The following SRBD1 variants were observed in gnomAD, a reference collection of about 807,000 sequenced individuals.
SRBD1 encodes S1 RNA-binding domain-containing protein 1.
SRBD1 carries 88 observed loss-of-function variants against 115.3 expected under a neutral mutation model. The ratio of observed to expected loss-of-function variants is 0.76; its 90% CI spans 0.64 to 0.91. The LOEUF (loss-of-function observed/expected upper bound fraction) is 0.91, where lower values mean the gene tolerates loss of function less well. SRBD1 is among the 40% of genes least tolerant of loss of function. The pLI is 0.00. For missense variants in SRBD1, 1,385 were observed against 1,177.4 expected, an observed-to-expected ratio of 1.18 and a Z score of -2.58; for synonymous variants, 509 against 407.7, an observed-to-expected ratio of 1.25 and a Z score of -2.99.
At chr2:45,606,746 T>G (rs185124992) in intron 1 of SRBD1, among the ~76,000 whole-genome samples, 8 of 152,286 alleles carry the variant, frequency 5.3e-5, no homozygotes. Flanking sequence ...TTAAGATTAA[T>G]TAGCTGTTAA....
chr2:45,580,867 T>C (rs1673338786), intron 6 of SRBD1, among the ~76,000 whole-genome samples: 1 of 150,876 alleles, frequency 6.6e-6, no homozygotes, highest in Admixed American at 6.6e-5. Context: ...GTATTTTTAG[T>C]AGAGACGGGG....
At chr2:45,444,068 T>A (rs1209165164) in intron 16 of SRBD1, among the ~76,000 whole-genome samples, 1 of 152,126 alleles carries the variant, frequency 6.6e-6, no homozygotes, top group East Asian at 1.9e-4. Context: ...TCAACAGCTC[T>A]ACATAAGAAA....
At chr2:45,478,047 C>T (rs1047757498) in intron 15 of SRBD1, among the ~76,000 whole-genome samples, 4 of 149,330 alleles carry the variant, frequency 2.7e-5, no homozygotes, top group African/African-American at 1.0e-4. Context: ...AAAAAGATAA[C>T]TATTACAACT....
chr2:45,456,970 T>A (rs1428636074), intron 16 of SRBD1, among the ~76,000 whole-genome samples: 1 of 151,784 alleles, frequency 6.6e-6, no homozygotes, highest in Non-Finnish European at 1.5e-5. Flanking sequence ...ACATAGAAAA[T>A]GTATATATTT....
rs1214803636 is a variant in SRBD1 at position 45,523,133 on chromosome 2, T to A, written c.1874+23599A>T. The stretch of plus-strand genomic sequence containing the variant: ...GGACATTAGAAAATATACTTTGAGA[T>A]AAATAAAAATGAAAACACAACATAC... On this transcript the variant is annotated intron_variant, in intron 14 of 20. Coordinates refer to ENST00000263736, the MANE Select transcript of SRBD1 (RefSeq NM_018079.5). Among the ~76,000 whole-genome samples, 2 of 151,422 alleles carry A rather than the reference T, an allele frequency of 1.3e-5. 1 individual carries two copies. Among genetic ancestry groups the A allele is most frequent in the Admixed American group, 1.3e-4 (2 of 15,192 alleles).
intron 2 of SRBD1, among the ~76,000 whole-genome samples, chr2:45,604,074 C>G (rs762328841): frequency 6.6e-6 from 1 of 151,968 alleles, no homozygotes; most frequent in Non-Finnish European, 1.5e-5. Flanking sequence ...AAAATATATC[C>G]CAAATTAGAC....
chr2:45,598,644 A>G (rs1380497425), intron 4 of SRBD1, among the ~76,000 whole-genome samples: 1 of 152,158 alleles, frequency 6.6e-6, no homozygotes, highest in African/African-American at 2.4e-5. Context: ...GAGGTAATAG[A>G]AAAGGCAGCA....
In SRBD1 at chr2:45,599,802, C is replaced by A. The variant is rs762530867; in HGVS notation, c.295G>T (p.Glu99Ter). ...SSVAIADTALEDRKNKLDTVQ... is the reference protein window; with the variant it reads ...SSVAIADTAL The stretch of plus-strand genomic sequence containing the variant: ...GTATCCAATTTATTTTTTCTGTCTT[C>A]TAAAGCAGTATCAGCAATAGCCACA... Residue 99 changes from glutamate to a stop codon, truncating the protein, a stop_gained, in exon 4 of 21, where the codon GAA (glutamate) becomes TAA (stop). Transcript: ENST00000263736. LOFTEE classifies it high-confidence loss of function. 6.4e-5 allele frequency: 104 copies of A among 1,613,444 alleles called. No homozygotes were observed. Among genetic ancestry groups the A allele is most frequent in the Non-Finnish European group, 8.2e-5 (97 of 1,179,966 alleles).
At chr2:45,521,266 A>AACTC (rs1467510873) in intron 14 of SRBD1, among the ~76,000 whole-genome samples, 5 of 146,060 alleles carry the variant, frequency 3.4e-5, no homozygotes, top group African/African-American at 1.3e-4. Context: ...GAACTCCTAC[A>AACTC]ACTCAACAAC....
Position 45,491,964 on chromosome 2 carries a change from G to A in SRBD1, c.1875-3633C>T, listed in dbSNP as rs577625747. ...AGCCTCCCGAGTAGCTAGGATTATA[G>A]GTGCCCACCATCATGCCCAGCTAAT... On this transcript the variant is annotated intron_variant, in intron 14 of 20. Coordinates refer to ENST00000263736, the MANE Select transcript of SRBD1 (RefSeq NM_018079.5). Among the ~76,000 whole-genome samples the A allele has an allele frequency of 6.2e-5, 8 of 129,712 alleles. No homozygotes were observed. In the South Asian group the frequency reaches 1.4e-3, roughly 22 times the overall value. 85.1% of individuals were successfully genotyped at this position (129,712 alleles called of 152,430 possible).
intron 4 of SRBD1, among the ~76,000 whole-genome samples, chr2:45,587,188 T>A (rs7609444): frequency 0.013 from 1,796 of 133,900 alleles, 81 homozygotes; most frequent in African/African-American, 0.035. Flanking sequence ...TATTTAAAAA[T>A]TTTTAAATAT....
intron 9 of SRBD1, among the ~76,000 whole-genome samples, chr2:45,565,474 T>C (rs1189769573): frequency 6.6e-6 from 1 of 152,148 alleles, no homozygotes; most frequent in Non-Finnish European, 1.5e-5. Context: ...TACATAAAAA[T>C]TAACTCAAAA....
intron 19 of SRBD1, among the ~76,000 whole-genome samples, chr2:45,396,363 T>C (rs892033326): frequency 6.6e-6 from 1 of 152,224 alleles, no homozygotes; most frequent in Non-Finnish European, 1.5e-5. Context: ...AAAGAAATTA[T>C]ATACATGCTT....
intron 9 of SRBD1, among the ~76,000 whole-genome samples, chr2:45,572,816 T>G (rs1267822646): frequency 6.6e-6 from 1 of 152,092 alleles, no homozygotes; most frequent in Non-Finnish European, 1.5e-5. Context: ...CAATGACTGA[T>G]TTATATAAGT....
chr2:45,472,377 A>G (rs1315723056), intron 16 of SRBD1, among the ~76,000 whole-genome samples: 1 of 152,194 alleles, frequency 6.6e-6, no homozygotes, highest in African/African-American at 2.4e-5. Context: ...AAAATGTTCT[A>G]TTTTCACAAC....
chr2:45,389,228 T>C lies in SRBD1; in HGVS notation c.*82A>G, dbSNP rs561582779. 3.4e-6 allele frequency: 5 copies of C among 1,471,226 alleles called. No individual in the cohort carries two copies. The highest frequency in any genetic ancestry group is 4.6e-6 in the Non-Finnish European group (5 of 1,086,364). The allele number at this position is 1,471,226 out of a possible 1,614,324, so 91.1% of individuals were successfully genotyped here. Reference sequence around the variant, plus strand: ...AGTGAATTATTTCTCATCTGCTACCTAGAGTTTACAAACAACTGACTTATC... The same window carrying C: ...AGTGAATTATTTCTCATCTGCTACCCAGAGTTTACAAACAACTGACTTATC... On this transcript the variant is annotated 3_prime_UTR_variant, in exon 21 of 21. Transcript: ENST00000263736.
intron 16 of SRBD1, among the ~76,000 whole-genome samples, chr2:45,432,638 A>G (rs1668375108): frequency 6.6e-6 from 1 of 152,238 alleles, no homozygotes; most frequent in Non-Finnish European, 1.5e-5. Flanking sequence ...CTGAGGGCTA[A>G]CAGTGCCAAT....
At chr2:45,570,548 T>G (rs1252144839) in intron 9 of SRBD1, among the ~76,000 whole-genome samples, 1 of 152,144 alleles carries the variant, frequency 6.6e-6, no homozygotes, top group Non-Finnish European at 1.5e-5. Flanking sequence ...ATTCCATCCC[T>G]CCACAAAGGT....
At chr2:45,555,982 T>A (rs1304951511) in intron 10 of SRBD1, among the ~76,000 whole-genome samples, 2 of 152,298 alleles carry the variant, frequency 1.3e-5, no homozygotes, top group East Asian at 1.9e-4. Flanking sequence ...ACCTTAAGGG[T>A]ACTCTCATCC....
Sources: allele counts gnomAD v4.1 joint callset (sites outside exome capture counted in the v4.1 genomes callset), GRCh38; gene constraint gnomAD v4.1.1; transcripts MANE v1.5; gene names NCBI Gene and HGNC (gene_info 2026-07-23, HGNC 2026-07-21).